Variants in FHIT observed in about 807,000 individuals in gnomAD.
The protein encoded by FHIT is fragile histidine triad diadenosine triphosphatase, also known as bis(5'-adenosyl)-triphosphatase.
A neutral mutation model predicts 17.9 loss-of-function variants in FHIT; 19 were observed. That is an observed-to-expected ratio of 1.06 (90% CI 0.74 to 1.56). The LOEUF (loss-of-function observed/expected upper bound fraction) is 1.56. Ranked by LOEUF, FHIT falls within the 40% of genes most tolerant of loss-of-function variation. The pLI is 0.00. For synonymous variants in FHIT, 81 were observed against 69.7 expected (o/e 1.16, Z -0.81); for missense variants, 248 against 189.2 (o/e 1.31, Z -1.82).
chr3:60,160,753 C>G (rs1269685396), intron 5 of FHIT, among the ~76,000 whole-genome samples: 1 of 151,976 alleles, frequency 6.6e-6, no homozygotes, highest in Non-Finnish European at 1.5e-5. Flanking sequence ...AAATCAATTC[C>G]AAACCAATAA....
intron 3 of FHIT, among the ~76,000 whole-genome samples, chr3:60,934,369 T>A (rs1553772602): frequency 6.6e-6 from 1 of 152,098 alleles, no homozygotes; most frequent in Non-Finnish European, 1.5e-5. Context: ...ACCACTAAAC[T>A]AAGGACCTGG....
At chr3:59,947,647 T>TG (rs577943037) in intron 7 of FHIT, among the ~76,000 whole-genome samples, 6 of 152,022 alleles carry the variant, frequency 3.9e-5, no homozygotes, top group Non-Finnish European at 5.9e-5. Context: ...GCTGCAACCC[T>TG]GGGGGGGCTG....
chr3:59,860,467 G>C (rs112788875), intron 8 of FHIT, among the ~76,000 whole-genome samples: 8,540 of 152,272 alleles, frequency 0.056, 309 homozygotes, highest in Non-Finnish European at 0.08. Flanking sequence ...TTGGAGAAAA[G>C]TTGAATAAAT....
intron 5 of FHIT, among the ~76,000 whole-genome samples, chr3:60,140,567 C>G (rs1014307965): frequency 7.1e-6 from 1 of 140,844 alleles, no homozygotes; most frequent in Admixed American, 7.5e-5. Context: ...GGGAAAGACA[C>G]AGACTCTATT....
At chr3:60,136,209 AAGGAG>A (rs1294419331) in intron 5 of FHIT, among the ~76,000 whole-genome samples, 1 of 152,052 alleles carries the variant, frequency 6.6e-6, no homozygotes, top group Non-Finnish European at 1.5e-5. Flanking sequence ...GGCACAACAC[AAGGAG>A]AGGAGAAGAG....
chr3:60,623,508 G>A (rs782015988), intron 4 of FHIT, among the ~76,000 whole-genome samples: 15 of 152,134 alleles, frequency 9.9e-5, no homozygotes, highest in Middle Eastern at 3.4e-3. Flanking sequence ...TTTTAAATCT[G>A]TGCTGGGCTG....
intron 7 of FHIT, among the ~76,000 whole-genome samples, chr3:59,927,876 C>G (rs535035706): frequency 6.6e-6 from 1 of 152,332 alleles, no homozygotes; most frequent in South Asian, 2.1e-4. Flanking sequence ...TTTAGAGGCT[C>G]TGCCTCTTCT....
At chr3:60,312,752 A>G (rs1709002950) in intron 5 of FHIT, among the ~76,000 whole-genome samples, 1 of 152,218 alleles carries the variant, frequency 6.6e-6, no homozygotes, top group Non-Finnish European at 1.5e-5. Flanking sequence ...GCCTCCCTGA[A>G]GTAGGTACTA....
intron 5 of FHIT, among the ~76,000 whole-genome samples, chr3:60,298,546 C>A (rs886848200): frequency 6.6e-6 from 1 of 152,158 alleles, no homozygotes; most frequent in Non-Finnish European, 1.5e-5. Flanking sequence ...CCATCTTTGA[C>A]TTTTTCCCAA....
At chr3:59,991,534 A>C (rs1020421481) in intron 7 of FHIT, among the ~76,000 whole-genome samples, 1 of 151,996 alleles carries the variant, frequency 6.6e-6, no homozygotes, top group Non-Finnish European at 1.5e-5. Flanking sequence ...ATAATCCCAA[A>C]CAGACAGATA....
At chr3:60,445,301 T>C (rs914004732) in intron 5 of FHIT, among the ~76,000 whole-genome samples, 2 of 152,088 alleles carry the variant, frequency 1.3e-5, no homozygotes, top group African/African-American at 4.8e-5. Flanking sequence ...TCTAGAGGAC[T>C]GGGATTCCAA....
intron 7 of FHIT, among the ~76,000 whole-genome samples, chr3:59,998,172 C>T (rs1470280876): frequency 6.6e-6 from 1 of 152,116 alleles, no homozygotes; most frequent in Non-Finnish European, 1.5e-5. Flanking sequence ...CCAATCGACT[C>T]CTGAAAATCT....
Position 60,743,148 on chromosome 3 carries a change from C to T in FHIT, c.-18+78771G>A, listed in dbSNP as rs181023296. On this transcript the variant is annotated intron_variant, in intron 4 of 9. Transcript: ENST00000492590. ...GCTTGAATCAGAATCTACACTGCAG[C>T]TGGGCAACTGGCTGAGGTCACATTT... Among the ~76,000 whole-genome samples, 6 of 152,336 alleles carry T rather than the reference C, an allele frequency of 3.9e-5. No individual in the cohort carries two copies. The East Asian group carries it at 1.2e-3, about 29-fold the overall frequency.
intron 3 of FHIT, among the ~76,000 whole-genome samples, chr3:60,900,495 C>T (rs1706064446): frequency 6.6e-6 from 1 of 151,636 alleles, no homozygotes. Context: ...TACTTCAGTG[C>T]AATCTTTTTA....
chr3:59,922,361 G>T lies in FHIT; in HGVS notation c.333C>A (p.Asp111Glu). 6.2e-7 allele frequency: 1 copy of T among 1,613,774 alleles called. No individual in the cohort carries two copies. The highest frequency in any genetic ancestry group is 8.5e-7 in the Non-Finnish European group (1 of 1,179,766). The change falls in exon 8 of 10, where the codon GAC (aspartate) becomes GAA (glutamate). Residue 111 changes from aspartate (D) to glutamate (E), a missense_variant. Physicochemically the swap from Asp to Glu is conservative, Grantham distance 45 (BLOSUM62 2). Coordinates refer to ENST00000492590, the MANE Select transcript of FHIT (RefSeq NM_002012.4). ...ACAGACCCACCTCCTCATAGATGCTGTCATTCCTGTGAAAGTCTCCAGCCT... is the reference window on the plus strand; with the variant it reads ...ACAGACCCACCTCCTCATAGATGCTTTCATTCCTGTGAAAGTCTCCAGCCT... ...PRKAGDFHRN[D>E]SIYEELQKHD...
chr3:60,310,431 G>A (rs1011777798), intron 5 of FHIT, among the ~76,000 whole-genome samples: 1 of 152,134 alleles, frequency 6.6e-6, no homozygotes, highest in Admixed American at 6.6e-5. Context: ...GGCCAAGTGA[G>A]AAAGACCAAC....
At chr3:60,652,559 C>T (rs549139752) in intron 4 of FHIT, among the ~76,000 whole-genome samples, 2 of 152,048 alleles carry the variant, frequency 1.3e-5, no homozygotes, top group African/African-American at 2.4e-5. Context: ...TGGTGAAACC[C>T]CATCTCTACT....
intron 3 of FHIT, among the ~76,000 whole-genome samples, chr3:60,886,911 T>C (rs7626939): frequency 0.97 from 147,005 of 152,244 alleles, 71,192 homozygotes; most frequent in East Asian, 1. Flanking sequence ...TTTCAGAGTT[T>C]CAGTTTATAG....
intron 2 of FHIT, among the ~76,000 whole-genome samples, chr3:61,199,242 A>C (rs569437469): frequency 6.6e-6 from 1 of 152,324 alleles, no homozygotes; most frequent in Non-Finnish European, 1.5e-5. Context: ...ACATTCCCCA[A>C]GAGGAAAGGA....
Sources: allele counts gnomAD v4.1 joint callset (sites outside exome capture counted in the v4.1 genomes callset), GRCh38; gene constraint gnomAD v4.1.1; transcripts MANE v1.5; gene names NCBI Gene and HGNC (gene_info 2026-07-23, HGNC 2026-07-21).